Variants in ADAMTSL1 observed in about 807,000 individuals in gnomAD.
ADAMTSL1 encodes ADAMTS like 1, also known as ADAMTS-like protein 1.
ADAMTSL1 carries 126 observed loss-of-function variants against 201.8 expected under a neutral mutation model. The observed-to-expected ratio is 0.62, with a 90% confidence interval of 0.54 to 0.72. ADAMTSL1 has a LOEUF of 0.72. Ranked by LOEUF, ADAMTSL1 falls within the 30% of genes least tolerant of loss-of-function variation. The pLI is 0.00. For synonymous variants in ADAMTSL1, 1,121 were observed against 903.4 expected, an observed-to-expected ratio of 1.24 and a Z score of -4.32; for missense variants, 2,679 against 2,277.8, an observed-to-expected ratio of 1.18 and a Z score of -3.59.
intron 4 of ADAMTSL1, among the ~76,000 whole-genome samples, chr9:18,597,028 G>A (rs1262560976): frequency 6.6e-6 from 1 of 152,066 alleles, no homozygotes; most frequent in Non-Finnish European, 1.5e-5. Flanking sequence ...ATTAGATTGA[G>A]AACTTCTTAC....
chr9:18,730,439 T>G (rs916488072), intron 15 of ADAMTSL1, among the ~76,000 whole-genome samples: 3 of 152,274 alleles, frequency 2.0e-5, no homozygotes, highest in Non-Finnish European at 2.9e-5. Context: ...ATTCCTGTCA[T>G]GGCGCCAGCC....
intron 12 of ADAMTSL1, 65 bp downstream of exon 12, chr9:18,682,024 C>A: frequency 1.3e-6 from 2 of 1,527,674 alleles, no homozygotes; most frequent in Non-Finnish European, 1.8e-6. Context: ...GTGTTTTAAA[C>A]TCCTTGGAAT....
intron 1 of ADAMTSL1, among the ~76,000 whole-genome samples, chr9:18,499,614 A>C (rs1333146468): frequency 6.6e-6 from 1 of 152,194 alleles, no homozygotes. Context: ...TTAATATAGA[A>C]GTGTGTGACA....
At chr9:18,850,461 C>G (rs1299173361) in intron 23 of ADAMTSL1, among the ~76,000 whole-genome samples, 1 of 152,198 alleles carries the variant, frequency 6.6e-6, no homozygotes, top group Non-Finnish European at 1.5e-5. Flanking sequence ...CAGAGGCTGA[C>G]TGTAGAAGAG....
chr9:18,207,945 T>G (rs548731610), intron 2 of ADAMTSL1, among the ~76,000 whole-genome samples: 1 of 152,142 alleles, frequency 6.6e-6, no homozygotes, highest in African/African-American at 2.4e-5. Context: ...CTGTCTTGTA[T>G]GTCAGGAGCG....
chr9:18,217,851 T>C (rs570722893), intron 2 of ADAMTSL1, among the ~76,000 whole-genome samples: 2 of 152,058 alleles, frequency 1.3e-5, no homozygotes, highest in East Asian at 3.9e-4. Context: ...CAGAGGAAAG[T>C]TGTTTTTTTT....
intron 1 of ADAMTSL1, among the ~76,000 whole-genome samples, chr9:17,913,993 G>C (rs1459395975): frequency 6.6e-6 from 1 of 152,154 alleles, no homozygotes; most frequent in Non-Finnish European, 1.5e-5. Flanking sequence ...TCTCTGAATA[G>C]ACGAATAACA....
At chr9:17,969,979 G>C (rs944612340) in intron 1 of ADAMTSL1, among the ~76,000 whole-genome samples, 3 of 152,002 alleles carry the variant, frequency 2.0e-5, no homozygotes, top group Non-Finnish European at 2.9e-5. Context: ...GATAATAAAA[G>C]ATAACTGTAG....
At position 18,775,849 on chromosome 9, in the gene ADAMTSL1, T is replaced by C. The variant is rs1304097096; in HGVS notation, c.2504T>C (p.Leu835Pro). 6 of 1,605,026 alleles carry C rather than the reference T, an allele frequency of 3.7e-6. No homozygotes were observed. The highest frequency in any genetic ancestry group is 4.3e-6 in the Non-Finnish European group (5 of 1,175,482). Reference sequence around the variant, plus strand: ...GTCAATTCCACCCTGTGCCCGCCCCTGCCTTTCTCTTCCTCCATCAGGCCC... The same window carrying C: ...GTCAATTCCACCCTGTGCCCGCCCCCGCCTTTCTCTTCCTCCATCAGGCCC... ...TVVNSTLCPP[L>P]PFSSSIRPCM... Residue 835 changes from leucine (L) to proline (P), a missense_variant, in exon 18 of 29, where the codon CTG becomes CCG. Physicochemically the swap from Leu to Pro is moderately conservative, Grantham distance 98 (BLOSUM62 -3). Transcript: ENST00000380548.
intron 2 of ADAMTSL1, among the ~76,000 whole-genome samples, chr9:18,164,403 A>G (rs1389008903): frequency 6.6e-6 from 1 of 151,900 alleles, no homozygotes; most frequent in Non-Finnish European, 1.5e-5. Context: ...TTCTTACTTC[A>G]AAGTGCTAGT....
intron 7 of ADAMTSL1, among the ~76,000 whole-genome samples, chr9:18,652,497 T>C (rs1828356268): frequency 6.6e-6 from 1 of 152,224 alleles, no homozygotes; most frequent in Admixed American, 6.5e-5. Flanking sequence ...TACTTTATTT[T>C]GGTGAAACAG....
chr9:18,421,445 G>A (rs1449998866), intron 2 of ADAMTSL1, among the ~76,000 whole-genome samples: 1 of 152,128 alleles, frequency 6.6e-6, no homozygotes, highest in Non-Finnish European at 1.5e-5. Flanking sequence ...GCTCCTAAGC[G>A]ATAGAGCCAG....
intron 23 of ADAMTSL1, among the ~76,000 whole-genome samples, chr9:18,842,400 G>A (rs1432808637): frequency 3.9e-5 from 6 of 151,916 alleles, no homozygotes; most frequent in Non-Finnish European, 5.9e-5. Flanking sequence ...GTGGTCTGAG[G>A]GACAGTTTGT....
At chr9:18,125,816 T>A (rs1825707610) in intron 1 of ADAMTSL1, among the ~76,000 whole-genome samples, 1 of 152,250 alleles carries the variant, frequency 6.6e-6, no homozygotes, top group Non-Finnish European at 1.5e-5. Context: ...TTGCTCATTT[T>A]TCTGCTACTA....
At chr9:18,641,703 G>GA (rs909224063) in intron 7 of ADAMTSL1, among the ~76,000 whole-genome samples, 1 of 151,734 alleles carries the variant, frequency 6.6e-6, no homozygotes. Flanking sequence ...CAGAAAAAAA[G>GA]AAGAAAATTA....
At chr9:18,480,300 A>T (rs1032906095) in intron 1 of ADAMTSL1, among the ~76,000 whole-genome samples, 4 of 152,192 alleles carry the variant, frequency 2.6e-5, no homozygotes, top group Admixed American at 6.5e-5. Context: ...ATCAGTGAAA[A>T]ATAGCTAGAA....
chr9:18,195,679 C>G (rs1829146802), intron 2 of ADAMTSL1, among the ~76,000 whole-genome samples: 1 of 152,152 alleles, frequency 6.6e-6, no homozygotes, highest in African/African-American at 2.4e-5. Context: ...ATAGTTAAAT[C>G]CATCACTGTA....
intron 22 of ADAMTSL1, among the ~76,000 whole-genome samples, chr9:18,828,697 ATG>A (rs1229290689): frequency 4.7e-5 from 2 of 42,510 alleles, no homozygotes; most frequent in African/African-American, 1.5e-4. Flanking sequence ...TATATATAAA[ATG>A]TGTGTGTGTG....
chr9:18,007,683 C>G (rs1437255361), intron 1 of ADAMTSL1, among the ~76,000 whole-genome samples: 2 of 151,868 alleles, frequency 1.3e-5, no homozygotes, highest in Non-Finnish European at 2.9e-5. Context: ...CTGAAGCCTT[C>G]AACACATTCA....
Sources: allele counts gnomAD v4.1 joint callset (sites outside exome capture counted in the v4.1 genomes callset), GRCh38; gene constraint gnomAD v4.1.1; transcripts MANE v1.5; gene names NCBI Gene and HGNC (gene_info 2026-07-23, HGNC 2026-07-21).